The following TMEM243 variants were observed in gnomAD, a reference collection of about 807,000 sequenced individuals.
TMEM243 encodes the protein MDR1 and mitochondrial taxol resistance associated.
In TMEM243, 20 loss-of-function variants were observed where a neutral mutation model predicts 15.0. The observed-to-expected ratio is 1.33, with a 90% CI of 0.94 to 1.93. The LOEUF is 1.93. Ranked by LOEUF, TMEM243 falls within the 30% of genes most tolerant of loss-of-function variation. The pLI, the probability that TMEM243 is intolerant of heterozygous loss-of-function variation, is 0.00. For synonymous variants in TMEM243, 72 were observed against 52.7 expected (o/e 1.37, Z -1.59); for missense variants, 156 against 142.1 (o/e 1.10, Z -0.50).
intron 1 of TMEM243, among the ~76,000 whole-genome samples, chr7:87,205,835 CTG>C (rs1046757015): frequency 2.0e-5 from 3 of 152,222 alleles, no homozygotes; most frequent in African/African-American, 7.2e-5. Context: ...GCCCTCCAAA[CTG>C]TTCCAACCTG....
intron 1 of TMEM243, among the ~76,000 whole-genome samples, chr7:87,200,898 C>CT (rs1801754702): frequency 6.6e-6 from 1 of 152,204 alleles, no homozygotes; most frequent in Admixed American, 6.5e-5. Context: ...CTCAAAAAGC[C>CT]TATTAGCAAA....
chr7:87,213,385 GA>G (rs1478783983), intron 1 of TMEM243, among the ~76,000 whole-genome samples: 33 of 152,350 alleles, frequency 2.2e-4, no homozygotes, highest in Non-Finnish European at 2.1e-4. Flanking sequence ...TGAATGAGAG[GA>G]GAGGAGAGAA....
chr7:87,209,828 C>CA (rs1802591130), intron 1 of TMEM243, among the ~76,000 whole-genome samples: 1 of 112,268 alleles, frequency 8.9e-6, no homozygotes, highest in Non-Finnish European at 1.9e-5. Flanking sequence ...GAGCGAGAGA[C>CA]AGTGAGAGAG....
chr7:87,206,520 TA>T (rs1802230727), intron 1 of TMEM243, among the ~76,000 whole-genome samples: 1 of 152,146 alleles, frequency 6.6e-6, no homozygotes, highest in African/African-American at 2.4e-5. Flanking sequence ...CCAAACCCTA[TA>T]CATACTGTTT....
intron 1 of TMEM243, among the ~76,000 whole-genome samples, chr7:87,212,549 T>C (rs1303874956): frequency 6.6e-6 from 1 of 152,192 alleles, no homozygotes; most frequent in African/African-American, 2.4e-5. Context: ...TCAGTTTAAG[T>C]TTTTTTTAAT....
chr7:87,208,209 A>G (rs1369572035), intron 1 of TMEM243, among the ~76,000 whole-genome samples: 1 of 152,244 alleles, frequency 6.6e-6, no homozygotes, highest in Non-Finnish European at 1.5e-5. Context: ...AAAAGTCCAC[A>G]GTCTGAAGTC....
In TMEM243 at chr7:87,196,215, T is replaced by C. The variant is rs1202678231; in HGVS notation, c.*421A>G. The C allele has an allele frequency of 6.4e-6, 1 of 155,664 alleles. No homozygotes were observed. The highest frequency in any genetic ancestry group is 1.4e-5 in the Non-Finnish European group (1 of 70,348). The allele number at this position is 155,664 out of a possible 1,614,324, so 9.6% of individuals were successfully genotyped here. A position where few individuals can be genotyped will look rare whatever the true frequency, so the allele number is the denominator to read the frequency against. ...AATTAGATCTTCACAAAGTTGTCTT[T>C]TCACTGTGTTTTGTCAACGTGAAAT... On this transcript the variant is annotated 3_prime_UTR_variant, in exon 4 of 4. Coordinates refer to ENST00000257637, the MANE Select transcript of TMEM243 (RefSeq NM_024315.4).
chr7:87,217,717 C>T (rs1803212819), intron 1 of TMEM243, among the ~76,000 whole-genome samples: 2 of 152,178 alleles, frequency 1.3e-5, no homozygotes, highest in South Asian at 2.1e-4. Context: ...TTACAATGCC[C>T]TAAAGTTTCC....
At chr7:87,198,901 A>G (rs1801578848) in intron 2 of TMEM243, 106 bp downstream of exon 2, 1 of 1,031,844 alleles carries the variant, frequency 9.7e-7, no homozygotes, top group African/African-American at 1.7e-5. Context: ...TTGTGGTAAT[A>G]AAATTAAAAG....
chr7:87,200,080 A>G (rs1238019306), intron 1 of TMEM243, among the ~76,000 whole-genome samples: 1 of 152,182 alleles, frequency 6.6e-6, no homozygotes, highest in African/African-American at 2.4e-5. Flanking sequence ...CTCATTTCCA[A>G]GTAGTCGCCT....
intron 1 of TMEM243, among the ~76,000 whole-genome samples, chr7:87,208,246 T>G (rs1802367996): frequency 6.6e-6 from 1 of 152,056 alleles, no homozygotes; most frequent in African/African-American, 2.4e-5. Flanking sequence ...CACCTATGAG[T>G]CTGTAAAATC....
chr7:87,200,252 C>T (rs936005974), intron 1 of TMEM243, among the ~76,000 whole-genome samples: 3 of 152,190 alleles, frequency 2.0e-5, no homozygotes, highest in African/African-American at 7.2e-5. Context: ...AGATACTGGA[C>T]TCCAGCCACA....
chr7:87,210,367 A>G (rs971651828), intron 1 of TMEM243, among the ~76,000 whole-genome samples: 5 of 152,166 alleles, frequency 3.3e-5, no homozygotes, highest in South Asian at 2.1e-4. Context: ...GTCCCCCCGA[A>G]GTCTTAACTC....
At chr7:87,215,074 GA>G in intron 1 of TMEM243, among the ~76,000 whole-genome samples, 1 of 152,214 alleles carries the variant, frequency 6.6e-6, no homozygotes, top group Non-Finnish European at 1.5e-5. Context: ...CTGAGCATCT[GA>G]AACATGGCTA....
intron 1 of TMEM243, among the ~76,000 whole-genome samples, chr7:87,202,299 G>C (rs552365102): frequency 6.6e-6 from 1 of 152,042 alleles, no homozygotes; most frequent in Non-Finnish European, 1.5e-5. Flanking sequence ...CAGATGAAAA[G>C]GAAAGGAAAG....
chr7:87,205,134 G>A (rs1802108762), intron 1 of TMEM243, among the ~76,000 whole-genome samples: 1 of 152,192 alleles, frequency 6.6e-6, no homozygotes, highest in Non-Finnish European at 1.5e-5. Context: ...AGAGCACCAA[G>A]TCCCTAAGCG....
chr7:87,200,990 G>C (rs1461698445), intron 1 of TMEM243, among the ~76,000 whole-genome samples: 1 of 152,180 alleles, frequency 6.6e-6, no homozygotes, highest in African/African-American at 2.4e-5. Flanking sequence ...CCATATAACT[G>C]ATTTTAATCA....
intron 1 of TMEM243, among the ~76,000 whole-genome samples, chr7:87,214,677 G>A (rs541365789): frequency 6.6e-6 from 1 of 152,310 alleles, no homozygotes; most frequent in Non-Finnish European, 1.5e-5. Context: ...CACAAACTTG[G>A]TTATGGAATC....
chr7:87,207,891 C>T (rs1295392572), intron 1 of TMEM243, among the ~76,000 whole-genome samples: 1 of 152,200 alleles, frequency 6.6e-6, no homozygotes, highest in Non-Finnish European at 1.5e-5. Context: ...AGCTGTTCCA[C>T]ATGAGCAAAC....
Sources: allele counts gnomAD v4.1 joint callset (sites outside exome capture counted in the v4.1 genomes callset), GRCh38; gene constraint gnomAD v4.1.1; transcripts MANE v1.5; gene names NCBI Gene and HGNC (gene_info 2026-07-23, HGNC 2026-07-21).